Variants in DCN observed in about 807,000 individuals in gnomAD.
DCN encodes decorin, also known as bone proteoglycan II.
DCN carries 17 observed loss-of-function variants against 36.5 expected under a neutral mutation model. The observed-to-expected ratio is 0.47, with a 90% CI of 0.32 to 0.70. The LOEUF (loss-of-function observed/expected upper bound fraction) is 0.70, where lower values mean the gene tolerates loss of function less well. Among genes scored for constraint, DCN ranks in the 30% least tolerant of loss-of-function variants. DCN has a pLI of 0.04. For missense variants in DCN, 389 were observed against 430.1 expected, an observed-to-expected ratio of 0.90 and a Z score of 0.84; for synonymous variants, 163 against 161.4, an observed-to-expected ratio of 1.01 and a Z score of -0.07.
Position 91,158,340 on chromosome 12 carries a change from A to G in DCN, c.494T>C (p.Val165Ala). The change falls in exon 4 of 8, where the codon GTG (valine) becomes GCG (alanine). Residue 165 changes from valine to alanine, a missense_variant. By Grantham distance (64) the Val-to-Ala change is moderately conservative. Transcript: ENST00000052754. ...CAGTCCATTGAAAGTAACTTTTCGC[A>G]CTTTGGTGATCTCATTCTCATGGGC... is the stretch of plus-strand genomic sequence containing the variant. ...LRAHENEITK[V>A]RKVTFNGLNQ... 6.8e-6 allele frequency: 11 copies of G among 1,613,930 alleles called. No homozygotes were observed. Among genetic ancestry groups the G allele is most frequent in the Non-Finnish European group, 9.3e-6 (11 of 1,179,794 alleles).
Position 91,178,374 on chromosome 12 carries a change from C to T in DCN, c.179G>A (p.Cys60Tyr). Residue 60 changes from cysteine to tyrosine, a missense_variant, in exon 2 of 8, where the codon TGC (cysteine) becomes TAC (tyrosine). Physicochemically the swap from Cys to Tyr is radical, Grantham distance 194. Coordinates refer to ENST00000052754, the MANE Select transcript of DCN (RefSeq NM_001920.5). Reference protein sequence around the residue: ...LGPVCPFRCQCHLRVVQCSDL... With the variant: ...LGPVCPFRCQYHLRVVQCSDL... The stretch of plus-strand genomic sequence containing the variant: ...AGAACACTGGACCACTCGAAGATGG[C>T]ATTGACAGCGGAAGGGGCACACTGG... 5.6e-6 allele frequency: 9 copies of T among 1,613,952 alleles called. No homozygotes were observed. The highest frequency in any genetic ancestry group is 7.6e-6 in the Non-Finnish European group (9 of 1,179,978).
At position 91,143,126 on chromosome 12, in the gene DCN, C is replaced by G. The variant is rs962115583; in HGVS notation, c.*2932G>C. 6.6e-6 allele frequency: 1 copy of G among 152,146 alleles called. No homozygotes were observed. Among genetic ancestry groups the G allele is most frequent in the Non-Finnish European group, 1.5e-5 (1 of 68,056 alleles). 9.4% of individuals were successfully genotyped at this position (152,146 alleles called of 1,614,324 possible). A position where few individuals can be genotyped will look rare whatever the true frequency, so the allele number is the denominator to read the frequency against. On this transcript the variant is annotated 3_prime_UTR_variant, in exon 8 of 8. Transcript: ENST00000052754. ...GATGGAGGCATAAATTAGAGTCACG[C>G]TGCCATAAGGCAAAGAACACCTAGA...
intron 2 of DCN, chr12:91,177,008 C>G (rs904420471): frequency 6.6e-6 from 1 of 152,418 alleles, no homozygotes; most frequent in Non-Finnish European, 1.5e-5. Context: ...GTAATAGTCA[C>G]CACCACTAGA....
rs1414959507 is a variant in DCN at position 91,157,197 on chromosome 12, G to A, written c.539-9C>T. 6.3e-7 allele frequency: 1 copy of A among 1,593,148 alleles called. No homozygotes were observed. The highest frequency in any genetic ancestry group is 1.1e-5 in the South Asian group (1 of 90,600). ...CGGATTGGTGCCCAGTTCTACAAAT[G>A]TAATAAGTGCAAGGCTTTTAGAGGA... On this transcript the variant is annotated splice_polypyrimidine_tract_variant and intron_variant, in intron 4 of 7. Transcript: ENST00000052754.
At chr12:91,157,031 T>G in intron 5 of DCN, 44 bp downstream of exon 5, 2 of 1,398,944 alleles carry the variant, frequency 1.4e-6, no homozygotes, top group Non-Finnish European at 2.0e-6. Flanking sequence ...ATTAAAGCCT[T>G]TGAATTTAAA....
rs539500128 is a variant in DCN, at chr12:91,150,156, C to T, written c.885+1498G>A. Among the ~76,000 whole-genome samples the T allele has an allele frequency of 7.2e-5, 11 of 151,922 alleles. No homozygotes were observed. In the South Asian group the frequency reaches 8.3e-4, roughly 11 times the overall value. On this transcript the variant is annotated intron_variant, in intron 7 of 7. Coordinates refer to ENST00000052754, the MANE Select transcript of DCN (RefSeq NM_001920.5). ...GAACCTACATTTTCTAATTTCAAAA[C>T]GTAATCAAAAGCTACAGTAATTGAA...
At chr12:91,158,533 C>A (rs367942727) in intron 3 of DCN, 24 bp from the exon 4 acceptor site, 45 of 1,226,522 alleles carry the variant, frequency 3.7e-5, no homozygotes, top group Non-Finnish European at 5.0e-5. Context: ...AGAAAAACAT[C>A]TCTTTAAATC....
At position 91,164,452 on chromosome 12, in the gene DCN, A is replaced by T. The variant is rs568050673; in HGVS notation, c.324+153T>A. On this transcript the variant is annotated intron_variant, in intron 3 of 7. Transcript: ENST00000052754. ...AAACAGTGTTTGGGGCAGAATTAATAAAAAAAAAGTAAAAAAAAAAAAAAA... is the reference window on the plus strand; with the variant it reads ...AAACAGTGTTTGGGGCAGAATTAATTAAAAAAAAGTAAAAAAAAAAAAAAA... Among the ~76,000 whole-genome samples, 16 of 120,562 alleles carry T rather than the reference A, an allele frequency of 1.3e-4. No individual in the cohort carries two copies. The South Asian group carries it at 1.4e-3, about 10-fold the overall frequency. The allele number at this position is 120,562 out of a possible 152,430, so 79.1% of individuals were successfully genotyped here.
At chr12:91,150,385 G>T (rs1285714870) in intron 7 of DCN, among the ~76,000 whole-genome samples, 3 of 152,062 alleles carry the variant, frequency 2.0e-5, no homozygotes, top group Non-Finnish European at 4.4e-5. Flanking sequence ...CATATACTAG[G>T]ATTATCTCAA....
At chr12:91,164,757 G>T in intron 2 of DCN, 40 bp from the exon 3 acceptor site, 1 of 981,328 alleles carries the variant, frequency 1.0e-6, no homozygotes, top group Non-Finnish European at 1.7e-6. Flanking sequence ...GAGTAGAAAG[G>T]ACATGTGGCT....
At chr12:91,153,048 T>C (rs764760851) in intron 6 of DCN, 48 bp downstream of exon 6, 2 of 976,486 alleles carry the variant, frequency 2.0e-6, no homozygotes, top group African/African-American at 3.2e-5. Flanking sequence ...TAAGCACTAA[T>C]ATACCTAGCC....
intron 2 of DCN, chr12:91,177,102 G>T: frequency 6.3e-6 from 1 of 157,564 alleles, no homozygotes; most frequent in Non-Finnish European, 1.4e-5. Flanking sequence ...TCCATGATGG[G>T]TTCCCGATAT....
At chr12:91,179,226 C>G (rs1883472565) in intron 1 of DCN, 1 of 155,006 alleles carries the variant, frequency 6.5e-6, no homozygotes, top group African/African-American at 2.4e-5. Flanking sequence ...GTCCACAGTC[C>G]CTGTGCTGTA....
chr12:91,159,055 C>T (rs1881988805), intron 3 of DCN, among the ~76,000 whole-genome samples: 1 of 151,558 alleles, frequency 6.6e-6, no homozygotes, highest in African/African-American at 2.4e-5. Flanking sequence ...AACATACATG[C>T]ACTCTACACA....
rs532148356 is a variant in DCN at position 91,140,997 on chromosome 12, A to G, written c.*5061T>C. On this transcript the variant is annotated 3_prime_UTR_variant, in exon 8 of 8. Coordinates refer to ENST00000052754, the MANE Select transcript of DCN (RefSeq NM_001920.5). ...TTGATCCCTTCTCAACAATTTTTCT[A>G]CTATTATCCAGGTCAAAGTCTTCAT... 2.0e-5 allele frequency: 3 copies of G among 152,270 alleles called. No homozygotes were observed. Among genetic ancestry groups the G allele is most frequent in the Middle Eastern group, 3.4e-3 (1 of 294 alleles). The allele number at this position is 152,270 out of a possible 1,614,324, so 9.4% of individuals were successfully genotyped here. A position where few individuals can be genotyped will look rare whatever the true frequency, so the allele number is the denominator to read the frequency against.
chr12:91,164,400 CA>C (rs5799980), intron 3 of DCN, among the ~76,000 whole-genome samples: 20,725 of 77,814 alleles, frequency 0.27, 1,863 homozygotes, highest in African/African-American at 0.36. Context: ...AAGCATAATT[CA>C]AAAAAAAAAA....
chr12:91,149,352 A>T (rs961548412), intron 7 of DCN, among the ~76,000 whole-genome samples: 1 of 152,180 alleles, frequency 6.6e-6, no homozygotes, highest in Non-Finnish European at 1.5e-5. Context: ...AAAGGCCAAA[A>T]CTCGCATGAT....
chr12:91,155,904 T>C (rs2121197852), intron 5 of DCN, among the ~76,000 whole-genome samples: 1 of 152,260 alleles, frequency 6.6e-6, no homozygotes, highest in South Asian at 2.1e-4. Context: ...CTATGGAATA[T>C]GTACTCTCAG....
rs1880764282 is a variant in DCN, at chr12:91,141,886, T to G, written c.*4172A>C. On this transcript the variant is annotated 3_prime_UTR_variant, in exon 8 of 8. Transcript: ENST00000052754. ...CTCACCCAGTCCTTTTCTGGTTATCTTATACTGGGGTAGGGTGTGCATATG... is the reference window on the plus strand; with the variant it reads ...CTCACCCAGTCCTTTTCTGGTTATCGTATACTGGGGTAGGGTGTGCATATG... 6.6e-6 allele frequency: 1 copy of G among 152,152 alleles called. No homozygotes were observed. The allele number at this position is 152,152 out of a possible 1,614,324, so 9.4% of individuals were successfully genotyped here.
Sources: gnomAD v4.1 joint callset for allele counts (sites outside exome capture counted in the v4.1 genomes callset) on GRCh38, gnomAD v4.1.1 for gene constraint, MANE v1.5 for transcripts, NCBI Gene and HGNC (gene_info 2026-07-23, HGNC 2026-07-21) for gene names.